Variants in FBH1 observed in about 807,000 individuals in gnomAD.
The protein encoded by FBH1 is F-box DNA helicase 1, also known as DNA 3'-5' helicase 1.
A neutral mutation model predicts 115.5 loss-of-function variants in FBH1; 43 were observed. The observed-to-expected ratio is 0.37, with a 90% confidence interval of 0.29 to 0.48. The LOEUF (loss-of-function observed/expected upper bound fraction) is 0.48, where lower values mean the gene tolerates loss of function less well. FBH1 is among the 20% of genes least tolerant of loss of function. The pLI is 0.99. For synonymous variants in FBH1, 524 were observed against 507.8 expected, an observed-to-expected ratio of 1.03 and a Z score of -0.43; for missense variants, 1,001 against 1,337.3, an observed-to-expected ratio of 0.75 and a Z score of 3.92.
rs749061712 is a variant in FBH1, at chr10:5,921,244, CTTG to C, written c.2101-8_2101-6del. The stretch of plus-strand genomic sequence containing the variant: ...AGGGCGGGCTGCTGACTCCCTCTGT[CTTG>C]TTGTTTTCAGAGTTTTCGGTTTGGT... On this transcript the variant is annotated splice_polypyrimidine_tract_variant and intron_variant, in intron 13 of 20. Coordinates refer to ENST00000362091, the MANE Select transcript of FBH1 (RefSeq NM_178150.3). This position sits in a 1 kb window ranked among gnomAD's most constrained non-coding sequence, Gnocchi z 6.4. 19 of 1,613,110 alleles carry C rather than the reference CTTG, an allele frequency of 1.2e-5. No individual in the cohort carries two copies. The African/African-American group carries it at 1.7e-4, about 15-fold the overall frequency.
At position 5,936,628 on chromosome 10, in the gene FBH1, T is replaced by G. The variant is rs367767382; in HGVS notation, c.2961+41T>G. 6.2e-6 allele frequency: 10 copies of G among 1,606,502 alleles called. No individual in the cohort carries two copies. In the Admixed American group the frequency reaches 6.7e-5, roughly 11 times the overall value. On this transcript the variant is annotated intron_variant, in intron 20 of 20. Transcript: ENST00000362091. This position sits in a 1 kb window ranked among gnomAD's most constrained non-coding sequence, Gnocchi z 5.6. Reference sequence around the variant, plus strand: ...GTGGAACTTAATTCAGCCATTTGCATTTTTTGCTTGTGAGCTCTGTGCTTA... The same window carrying G: ...GTGGAACTTAATTCAGCCATTTGCAGTTTTTGCTTGTGAGCTCTGTGCTTA...
rs1833247346 is a variant in FBH1 at position 5,935,132 on chromosome 10, G to A, written c.2830-1324G>A. On this transcript the variant is annotated intron_variant, in intron 19 of 20. Coordinates refer to ENST00000362091, the MANE Select transcript of FBH1 (RefSeq NM_178150.3). The surrounding 1 kb of genome is among the most constrained non-coding windows in gnomAD (Gnocchi z 5.2). The stretch of plus-strand genomic sequence containing the variant: ...TTCCATGTGTGTTTCTTACATATGT[G>A]CGTATGTATAGCATTATAATGGTAA... 6.6e-6 allele frequency: 1 copy of A among 152,202 alleles called. No individual in the cohort carries two copies. 9.4% of individuals were successfully genotyped at this position (152,202 alleles called of 1,614,324 possible).
At position 5,911,162 on chromosome 10, in the gene FBH1, G is replaced by C. The variant is rs769451535; in HGVS notation, c.1211+34G>C. The stretch of plus-strand genomic sequence containing the variant: ...CCGGGAGGAGGGGAGGGGATGCTGT[G>C]ATAATGGGAGAGTCCCAGACACAGC... On this transcript the variant is annotated intron_variant, in intron 6 of 20. Coordinates refer to ENST00000362091, the MANE Select transcript of FBH1 (RefSeq NM_178150.3). This position sits in a 1 kb window ranked among gnomAD's most constrained non-coding sequence, Gnocchi z 5.4. The C allele has an allele frequency of 1.3e-6, 2 of 1,580,038 alleles. No individual in the cohort carries two copies. Among genetic ancestry groups the C allele is most frequent in the African/African-American group, 2.7e-5 (2 of 74,220 alleles).
At position 5,895,132 on chromosome 10, in the gene FBH1, C is replaced by G; in HGVS notation, c.1+4786C>G. On this transcript the variant is annotated intron_variant, in intron 1 of 20. Transcript: ENST00000362091. The surrounding 1 kb of genome is among the most constrained non-coding windows in gnomAD (Gnocchi z 5.0). ...GCGCAGGGCCCCTGGGCCATCTCCA[C>G]AGGAGATGCCAGAGGACGAGTGCCC... 12 of 1,613,918 alleles carry G rather than the reference C, an allele frequency of 7.4e-6. No individual in the cohort carries two copies. Among genetic ancestry groups the G allele is most frequent in the Non-Finnish European group, 9.3e-6 (11 of 1,179,842 alleles).
intron 3 of FBH1, among the ~76,000 whole-genome samples, chr10:5,907,720 T>C (rs1843799051): frequency 6.6e-6 from 1 of 152,166 alleles, no homozygotes; most frequent in Non-Finnish European, 1.5e-5. Context: ...GTGATCCGCC[T>C]GTCTCAGCTG....
At chr10:5,908,162 CAG>C (rs1258852685) in intron 3 of FBH1, among the ~76,000 whole-genome samples, 3 of 152,118 alleles carry the variant, frequency 2.0e-5, no homozygotes, top group South Asian at 2.1e-4. Context: ...TCAGTTCTGT[CAG>C]GGGTTGTTTC....
In FBH1 at chr10:5,895,131, A is replaced by C; in HGVS notation, c.1+4785A>C. 1 of 1,613,922 alleles carries C rather than the reference A, an allele frequency of 6.2e-7. No individual in the cohort carries two copies. Among genetic ancestry groups the C allele is most frequent in the East Asian group, 2.2e-5 (1 of 44,886 alleles). On this transcript the variant is annotated intron_variant, in intron 1 of 20. Coordinates refer to ENST00000362091, the MANE Select transcript of FBH1 (RefSeq NM_178150.3). This position sits in a 1 kb window ranked among gnomAD's most constrained non-coding sequence, Gnocchi z 5.0. ...TGCGCAGGGCCCCTGGGCCATCTCC[A>C]CAGGAGATGCCAGAGGACGAGTGCC... is the stretch of plus-strand genomic sequence containing the variant.
chr10:5,935,433 C>T lies in FBH1; in HGVS notation c.2830-1023C>T, dbSNP rs1166808103. ...ACCTGTGTCCTTGGACACGTGTAAA[C>T]GAGAAGCTATTTCACCGTGGGTTGG... On this transcript the variant is annotated intron_variant, in intron 19 of 20. Transcript: ENST00000362091. This position sits in a 1 kb window ranked among gnomAD's most constrained non-coding sequence, Gnocchi z 5.2. The T allele has an allele frequency of 2.6e-5, 4 of 152,284 alleles. No individual in the cohort carries two copies. Among genetic ancestry groups the T allele is most frequent in the Admixed American group, 2.6e-4 (4 of 15,300 alleles). 9.4% of individuals were successfully genotyped at this position (152,284 alleles called of 1,614,324 possible).
chr10:5,901,961 G>A (rs1843373024), intron 1 of FBH1, among the ~76,000 whole-genome samples: 1 of 152,238 alleles, frequency 6.6e-6, no homozygotes, highest in Admixed American at 6.5e-5. Flanking sequence ...GCAGAAGCAT[G>A]GAGAGTCTTG....
In FBH1 at chr10:5,910,856, C is replaced by G. The variant is rs1295546655; in HGVS notation, c.1021-82C>G. 3 of 1,298,818 alleles carry G rather than the reference C, an allele frequency of 2.3e-6. No homozygotes were observed. The highest frequency in any genetic ancestry group is 3.2e-6 in the Non-Finnish European group (3 of 950,296). The allele number at this position is 1,298,818 out of a possible 1,614,324, so 80.5% of individuals were successfully genotyped here. On this transcript the variant is annotated intron_variant, in intron 5 of 20. Transcript: ENST00000362091. The surrounding 1 kb of genome is among the most constrained non-coding windows in gnomAD (Gnocchi z 4.8). Reference sequence around the variant, plus strand: ...GCCAGCAGCTGGACCCGTGGCTCGGCTTTCCTGACTCCTTCCTGCTGTGAT... The same window carrying G: ...GCCAGCAGCTGGACCCGTGGCTCGGGTTTCCTGACTCCTTCCTGCTGTGAT...
At position 5,917,403 on chromosome 10, in the gene FBH1, T is replaced by C; in HGVS notation, c.1789-17T>C. On this transcript the variant is annotated splice_polypyrimidine_tract_variant and intron_variant, in intron 10 of 20. Coordinates refer to ENST00000362091, the MANE Select transcript of FBH1 (RefSeq NM_178150.3). The surrounding 1 kb of genome is among the most constrained non-coding windows in gnomAD (Gnocchi z 5.6). The stretch of plus-strand genomic sequence containing the variant: ...CAGGGTCTCAAACTCTGGGTTACCA[T>C]ATGCTTTACTTCCTAGAATGGTGTC... 1.2e-6 allele frequency: 2 copies of C among 1,611,918 alleles called. No homozygotes were observed. The highest frequency in any genetic ancestry group is 1.7e-6 in the Non-Finnish European group (2 of 1,178,360).
Position 5,895,291 on chromosome 10 carries a change from A to G in FBH1, c.1+4945A>G, listed in dbSNP as rs1842945954. On this transcript the variant is annotated intron_variant, in intron 1 of 20. Transcript: ENST00000362091. This position sits in a 1 kb window ranked among gnomAD's most constrained non-coding sequence, Gnocchi z 5.0. ...GATCTTTGTTAAAGTTGGGTATGGT[A>G]TTGTAGCAGTTTCTCCAGTCAGGTA... The G allele has an allele frequency of 7.7e-7, 1 of 1,298,044 alleles. No homozygotes were observed. The highest frequency in any genetic ancestry group is 1.0e-6 in the Non-Finnish European group (1 of 966,862). The allele number at this position is 1,298,044 out of a possible 1,614,324, so 80.4% of individuals were successfully genotyped here. A position where few individuals can be genotyped will look rare whatever the true frequency, so the allele number is the denominator to read the frequency against.
At position 5,898,209 on chromosome 10, in the gene FBH1, C is replaced by T. The variant is rs115169321; in HGVS notation, c.2-4811C>T. Among the ~76,000 whole-genome samples the T allele has an allele frequency of 4.1e-3, 620 of 152,316 alleles. 6 individuals are homozygous for T. Among genetic ancestry groups the T allele is most frequent in the African/African-American group, 0.014 (592 of 41,566 alleles). The stretch of plus-strand genomic sequence containing the variant: ...GCAGAAGTCTCTCTCACTCACAGAT[C>T]TGGAGGCTGGAAGTCTAAGATCGAG... On this transcript the variant is annotated intron_variant, in intron 1 of 20. Coordinates refer to ENST00000362091, the MANE Select transcript of FBH1 (RefSeq NM_178150.3).
At chr10:5,902,272 T>G (rs1171893583) in intron 1 of FBH1, among the ~76,000 whole-genome samples, 1 of 152,158 alleles carries the variant, frequency 6.6e-6, no homozygotes, top group African/African-American at 2.4e-5. Context: ...TATCATGATG[T>G]TTTGCTTCTA....
At chr10:5,928,072 CAAAAAAAAAAAAA>C (rs1010342333) in intron 19 of FBH1, among the ~76,000 whole-genome samples, 1 of 24,770 alleles carries the variant, frequency 4.0e-5, no homozygotes, top group Admixed American at 4.3e-4. Flanking sequence ...GACTCCATCT[CAAAAAAAAAAAAA>C]AAAAAAAAAA....
chr10:5,925,312 T>G lies in FBH1; in HGVS notation c.2597-55T>G. 1 of 1,594,450 alleles carries G rather than the reference T, an allele frequency of 6.3e-7. No individual in the cohort carries two copies. Among genetic ancestry groups the G allele is most frequent in the Non-Finnish European group, 8.6e-7 (1 of 1,168,358 alleles). ...GTGGGAAACATGTATGTTTTTGTCATCTTGTTTCTTTCCCTTTGAAGCACC... is the reference window on the plus strand; with the variant it reads ...GTGGGAAACATGTATGTTTTTGTCAGCTTGTTTCTTTCCCTTTGAAGCACC... On this transcript the variant is annotated intron_variant, in intron 17 of 20. Transcript: ENST00000362091. This position sits in a 1 kb window ranked among gnomAD's most constrained non-coding sequence, Gnocchi z 4.6.
rs1831421374 is a variant in FBH1 at position 5,909,432 on chromosome 10, A to G, written c.1020+138A>G. ...AATCTCTGAATGCTTTGAAGCATTC[A>G]TGTTGTCATTGTCCCCAGTGGAGAA... is the stretch of plus-strand genomic sequence containing the variant. On this transcript the variant is annotated intron_variant, in intron 5 of 20. Coordinates refer to ENST00000362091, the MANE Select transcript of FBH1 (RefSeq NM_178150.3). The surrounding 1 kb of genome is among the most constrained non-coding windows in gnomAD (Gnocchi z 4.4). 5 of 1,024,826 alleles carry G rather than the reference A, an allele frequency of 4.9e-6. No homozygotes were observed. Among genetic ancestry groups the G allele is most frequent in the Non-Finnish European group, 6.9e-6 (5 of 728,742 alleles). The allele number at this position is 1,024,826 out of a possible 1,614,324, so 63.5% of individuals were successfully genotyped here.
intron 1 of FBH1, among the ~76,000 whole-genome samples, chr10:5,892,732 A>G (rs1842802988): frequency 6.6e-6 from 1 of 152,252 alleles, no homozygotes; most frequent in African/African-American, 2.4e-5. Context: ...TTATTCCTTA[A>G]CATGGTTAAT....
rs759414278 is a variant in FBH1, at chr10:5,915,521, C to T, written c.1515C>T (p.Asn505=). Reference sequence around the variant, plus strand: ...AGGCCGAACGCGTCTTCCCCAGCAACGTCATCTGCAAAACCTTCCACTCCA... The same window carrying T: ...AGGCCGAACGCGTCTTCCCCAGCAATGTCATCTGCAAAACCTTCCACTCCA... ...AKQAERVFPS[N]VICKTFHSMA... is the part of the protein sequence containing the mutation. Residue 505 remains asparagine (N), a synonymous_variant, in exon 9 of 21, where the codon AAC becomes AAT. Transcript: ENST00000362091. This position sits in a 1 kb window ranked among gnomAD's most constrained non-coding sequence, Gnocchi z 5.2. 34 of 1,614,120 alleles carry T rather than the reference C, an allele frequency of 2.1e-5. No individual in the cohort carries two copies. The East Asian group carries it at 4.9e-4, about 23-fold the overall frequency.
Sources: allele counts gnomAD v4.1 joint callset (sites outside exome capture counted in the v4.1 genomes callset), GRCh38; gene constraint gnomAD v4.1.1; non-coding constraint Gnocchi (gnomAD v3.1); transcripts MANE v1.5; gene names NCBI Gene and HGNC (gene_info 2026-07-23, HGNC 2026-07-21).